PARP4: variants seen among roughly 807,000 people sequenced by gnomAD.
The protein encoded by PARP4 is protein mono-ADP-ribosyltransferase PARP4.
PARP4 carries 120 observed loss-of-function variants against 187.7 expected under a neutral mutation model. The ratio of observed to expected loss-of-function variants is 0.64; its 90% CI spans 0.55 to 0.74. The LOEUF is 0.74. PARP4 is among the 30% of genes least tolerant of loss of function. The probability of loss-of-function intolerance (pLI) is 0.00; values close to 1 mark genes in which losing one functional copy is unlikely to be tolerated. For synonymous variants in PARP4, 654 were observed against 740.9 expected (o/e 0.88, Z 1.90); for missense variants, 1,836 against 2,070.5 (o/e 0.89, Z 2.20).
chr13:24,423,228 A>G (rs962526289), intron 33 of PARP4, among the ~76,000 whole-genome samples: 1 of 152,136 alleles, frequency 6.6e-6, no homozygotes, highest in Non-Finnish European at 1.5e-5. Context: ...GGCAAGTGGC[A>G]CTGGTTTATT....
intron 1 of PARP4, among the ~76,000 whole-genome samples, chr13:24,505,366 G>A (rs1480336944): frequency 1.3e-5 from 2 of 151,360 alleles, no homozygotes; most frequent in Non-Finnish European, 2.9e-5. Context: ...TCGATAAGAT[G>A]TTCCCATGAT....
At chr13:24,422,135 T>A (rs1869780760) in intron 33 of PARP4, among the ~76,000 whole-genome samples, 1 of 152,152 alleles carries the variant, frequency 6.6e-6, no homozygotes, top group Non-Finnish European at 1.5e-5. Context: ...TGCAATCACA[T>A]GATATTGGCC....
At chr13:24,512,553 T>C (rs766995284) in intron 1 of PARP4, among the ~76,000 whole-genome samples, 153 bp downstream of exon 1, 21 of 152,124 alleles carry the variant, frequency 1.4e-4, no homozygotes, top group Admixed American at 2.0e-4. Context: ...CACTAGCTAG[T>C]CCACTCCCGA....
intron 23 of PARP4, among the ~76,000 whole-genome samples, chr13:24,453,216 G>A (rs1298333256): frequency 6.6e-6 from 1 of 151,806 alleles, no homozygotes; most frequent in African/African-American, 2.4e-5. Context: ...GATTACAGGT[G>A]TGAGACACCA....
At chr13:24,467,021 T>C (rs866105069) in intron 17 of PARP4, among the ~76,000 whole-genome samples, 19 of 152,256 alleles carry the variant, frequency 1.2e-4, no homozygotes, top group Middle Eastern at 3.4e-3. Flanking sequence ...AACTCACAGA[T>C]TGGATAAAGC....
chr13:24,505,722 G>A (rs958512411), intron 1 of PARP4, among the ~76,000 whole-genome samples: 1 of 152,208 alleles, frequency 6.6e-6, no homozygotes, highest in African/African-American at 2.4e-5. Flanking sequence ...TAAAGACAGG[G>A]TTTCGCTATG....
chr13:24,454,526 C>G (rs903051344), intron 22 of PARP4, among the ~76,000 whole-genome samples: 3 of 152,282 alleles, frequency 2.0e-5, no homozygotes, highest in Admixed American at 6.5e-5. Context: ...AGTGCTGGCC[C>G]GATACTTCCT....
chr13:24,457,770 C>CAAAAAAAAAAAAA (rs33930012), intron 20 of PARP4, among the ~76,000 whole-genome samples: 15 of 85,656 alleles, frequency 1.8e-4, no homozygotes, highest in East Asian at 4.1e-4. Flanking sequence ...GACTCTGTCT[C>CAAAAAAAAAAAAA]AAAAAAAAAA....
chr13:24,493,678 A>C lies in PARP4; in HGVS notation c.797T>G (p.Leu266Ter). 1 of 1,613,980 alleles carries C rather than the reference A, an allele frequency of 6.2e-7. No individual in the cohort carries two copies. The highest frequency in any genetic ancestry group is 8.5e-7 in the Non-Finnish European group (1 of 1,179,928). Reference sequence around the variant, plus strand: ...GGCCTCTGCCCAAATCATCTCTACTAAATCGCTCACCTCTTGGCTCAGAGT... The same window carrying C: ...GGCCTCTGCCCAAATCATCTCTACTCAATCGCTCACCTCTTGGCTCAGAGT... ...SSTLSQEVSD[L>*]VEMIWAEALG... The change falls in exon 8 of 34, where the codon TTA (leucine) becomes TGA (stop). Residue 266 changes from leucine (L) to a stop codon, truncating the protein, a stop_gained. Transcript: ENST00000381989. LOFTEE classifies it high-confidence loss of function.
intron 20 of PARP4, among the ~76,000 whole-genome samples, chr13:24,458,773 A>C (rs1446935732): frequency 1.3e-5 from 2 of 152,188 alleles, no homozygotes; most frequent in Non-Finnish European, 2.9e-5. Context: ...ACAGGAAGTC[A>C]AAAGATAATT....
At chr13:24,432,932 A>C (rs1311817989) in intron 31 of PARP4, among the ~76,000 whole-genome samples, 2 of 152,176 alleles carry the variant, frequency 1.3e-5, no homozygotes, top group Non-Finnish European at 2.9e-5. Context: ...CACAGGTTGA[A>C]GAATCTATGG....
intron 18 of PARP4, 48 bp downstream of exon 18, chr13:24,459,924 C>A (rs538421573): frequency 6.5e-7 from 1 of 1,547,810 alleles, no homozygotes; most frequent in Non-Finnish European, 8.8e-7. Flanking sequence ...TCCACCACTC[C>A]CCCTCCACTG....
chr13:24,461,275 T>C (rs1289297678), intron 17 of PARP4, among the ~76,000 whole-genome samples: 1 of 152,202 alleles, frequency 6.6e-6, no homozygotes, highest in African/African-American at 2.4e-5. Context: ...AGATGATTAT[T>C]AAATACTTAA....
In PARP4 at chr13:24,493,702, G is replaced by A. The variant is rs148965987; in HGVS notation, c.773C>T (p.Thr258Ile). The A allele has an allele frequency of 5.6e-6, 9 of 1,613,788 alleles. No homozygotes were observed. The African/African-American group carries it at 9.3e-5, about 17-fold the overall frequency. The change falls in exon 8 of 34, where the codon ACT becomes ATT. Residue 258 changes from threonine to isoleucine, a missense_variant. Thr to Ile is a moderately conservative substitution (Grantham distance 89). Coordinates refer to ENST00000381989, the MANE Select transcript of PARP4 (RefSeq NM_006437.4). Reference protein sequence around the residue: ...LLLEEVMNSSTLSQEVSDLVE... With the variant: ...LLLEEVMNSSILSQEVSDLVE... ...TAAATCGCTCACCTCTTGGCTCAGA[G>A]TGCTTGAATTCATGACTTCCTCCAA... is the stretch of plus-strand genomic sequence containing the variant.
intron 6 of PARP4, among the ~76,000 whole-genome samples, chr13:24,495,608 C>A (rs1868901515): frequency 6.6e-6 from 1 of 152,154 alleles, no homozygotes; most frequent in African/African-American, 2.4e-5. Context: ...CTAACATTAA[C>A]CCCAGGAAAA....
chr13:24,467,311 C>T (rs564049596), intron 17 of PARP4, among the ~76,000 whole-genome samples: 154 of 152,278 alleles, frequency 1.0e-3, no homozygotes, highest in African/African-American at 3.6e-3. Context: ...AGCTAGACCT[C>T]TATCTTTACA....
chr13:24,451,517 G>A (rs1871519347), intron 24 of PARP4, among the ~76,000 whole-genome samples: 1 of 152,060 alleles, frequency 6.6e-6, no homozygotes, highest in Non-Finnish European at 1.5e-5. Flanking sequence ...GGCCACAGAG[G>A]GGCATTGGGG....
chr13:24,456,555 G>C (rs1871864831), intron 20 of PARP4, 77 bp from the exon 21 acceptor site: 6 of 1,350,756 alleles, frequency 4.4e-6, no homozygotes, highest in African/African-American at 4.3e-5. Context: ...ACCTGTCATG[G>C]AGCAAACCCT....
intron 5 of PARP4, 36 bp from the exon 6 acceptor site, chr13:24,498,265 G>C (rs17385536): frequency 2.3e-6 from 3 of 1,311,890 alleles, no homozygotes; most frequent in Non-Finnish European, 3.3e-6. Context: ...AGCTGCACTC[G>C]GGAAACATCA....
Sources: allele counts gnomAD v4.1 joint callset (sites outside exome capture counted in the v4.1 genomes callset), GRCh38; gene constraint gnomAD v4.1.1; transcripts MANE v1.5; gene names NCBI Gene and HGNC (gene_info 2026-07-23, HGNC 2026-07-21).